The following NCOA7 variants were observed in gnomAD, a reference collection of about 807,000 sequenced individuals.
NCOA7 encodes 140 kDa estrogen receptor-associated protein.
In NCOA7, 45 loss-of-function variants were observed where a neutral mutation model predicts 104.3. That is an observed-to-expected ratio of 0.43 (90% CI 0.34 to 0.55). The LOEUF is 0.55. NCOA7 is among the 20% of genes least tolerant of loss of function. NCOA7 has a pLI of 0.02. For synonymous variants in NCOA7, 398 were observed against 402.3 expected (o/e 0.99, Z 0.13); for missense variants, 1,041 against 1,119.7 (o/e 0.93, Z 1.00).
intron 2 of NCOA7, among the ~76,000 whole-genome samples, chr6:125,831,036 C>T (rs1235511782): frequency 1.3e-5 from 2 of 152,014 alleles, no homozygotes; most frequent in East Asian, 3.9e-4. Flanking sequence ...ATGTTCTTAT[C>T]CAAGTAGTTG....
chr6:125,847,967 A>G (rs1780773314), intron 2 of NCOA7, among the ~76,000 whole-genome samples: 1 of 152,214 alleles, frequency 6.6e-6, no homozygotes, highest in Non-Finnish European at 1.5e-5. Flanking sequence ...AGAAAAAAAC[A>G]ACCCCATCAA....
At chr6:125,853,005 G>T (rs756958402) in intron 2 of NCOA7, among the ~76,000 whole-genome samples, 3 of 152,124 alleles carry the variant, frequency 2.0e-5, no homozygotes, top group Non-Finnish European at 4.4e-5. Context: ...TGAATCTGTC[G>T]ATTGCTTTGG....
chr6:125,926,962 A>G (rs1788086521), intron 13 of NCOA7, among the ~76,000 whole-genome samples: 1 of 152,192 alleles, frequency 6.6e-6, no homozygotes, highest in South Asian at 2.1e-4. Flanking sequence ...CTCCTCATGT[A>G]GCTTGGCTCC....
chr6:125,871,603 A>G (rs908732357), intron 3 of NCOA7, among the ~76,000 whole-genome samples: 3 of 152,200 alleles, frequency 2.0e-5, no homozygotes, highest in African/African-American at 7.2e-5. Flanking sequence ...GCAGGTGCAC[A>G]TGATTTGCCT....
At chr6:125,783,635 T>G (rs1774322683) in intron 1 of NCOA7, among the ~76,000 whole-genome samples, 1 of 152,228 alleles carries the variant, frequency 6.6e-6, no homozygotes, top group African/African-American at 2.4e-5. Context: ...GGGAGTCTAT[T>G]CAAACTGGCT....
At chr6:125,896,952 A>G (rs1238623714) in intron 10 of NCOA7, among the ~76,000 whole-genome samples, 1 of 152,248 alleles carries the variant, frequency 6.6e-6, no homozygotes, top group Non-Finnish European at 1.5e-5. Context: ...GTGTTTGCAC[A>G]CGTATTTAGG....
intron 2 of NCOA7, among the ~76,000 whole-genome samples, chr6:125,835,474 C>T (rs1779539954): frequency 6.6e-6 from 1 of 152,200 alleles, no homozygotes; most frequent in South Asian, 2.1e-4. Flanking sequence ...GGATTTGGGA[C>T]TCAAATAATG....
chr6:125,895,965 A>ATGTG (rs61017866), intron 10 of NCOA7, among the ~76,000 whole-genome samples: 69 of 146,086 alleles, frequency 4.7e-4, no homozygotes, highest in East Asian at 4.2e-3. Flanking sequence ...ATATGTATAT[A>ATGTG]TGTGTGTGTG....
At position 125,913,080 on chromosome 6, in the gene NCOA7, T is replaced by G. The variant is rs577726245; in HGVS notation, c.2097-2253T>G. On this transcript the variant is annotated intron_variant, in intron 10 of 15. Transcript: ENST00000392477. ...CATTCCCTGGAAGTAACCATTTGGATCTGTTTCTTTTATAGCCTTTCAGAG... is the reference window on the plus strand; with the variant it reads ...CATTCCCTGGAAGTAACCATTTGGAGCTGTTTCTTTTATAGCCTTTCAGAG... 3.3e-5 allele frequency among the ~76,000 whole-genome samples: 5 copies of G among 152,312 alleles called. No homozygotes were observed. In the South Asian group the frequency reaches 8.3e-4, roughly 25 times the overall value.
Position 125,855,215 on chromosome 6 carries a change from A to G in NCOA7, c.246A>G (p.Thr82=), listed in dbSNP as rs1345898766. The G allele has an allele frequency of 5.0e-6, 8 of 1,611,014 alleles. No homozygotes were observed. The highest frequency in any genetic ancestry group is 6.8e-6 in the Non-Finnish European group (8 of 1,178,856). The change falls in exon 3 of 16, where the codon ACA becomes ACG. Residue 82 remains threonine (T), a synonymous_variant. Coordinates refer to ENST00000392477, the MANE Select transcript of NCOA7 (RefSeq NM_181782.5). ...KSNQLKEIRR[T]ELKRYYSIDD... is the part of the protein sequence containing the mutation. The stretch of plus-strand genomic sequence containing the variant: ...ATCAGTTAAAGGAGATCAGGCGTAC[A>G]GAACTAAAGAGATATTATAGTATTG...
chr6:125,855,475 C>T, intron 3 of NCOA7: 3 of 374,220 alleles, frequency 8.0e-6, no homozygotes, highest in Non-Finnish European at 1.5e-5. Context: ...GTATTGTGTA[C>T]TACTAAACGT....
chr6:125,867,433 C>A (rs1478460521), intron 3 of NCOA7, among the ~76,000 whole-genome samples: 1 of 152,140 alleles, frequency 6.6e-6, no homozygotes, highest in East Asian at 1.9e-4. Context: ...GATATAAGAG[C>A]TCATCTCAGT....
chr6:125,800,413 T>C (rs1020033815), intron 1 of NCOA7, among the ~76,000 whole-genome samples: 1 of 152,250 alleles, frequency 6.6e-6, no homozygotes, highest in African/African-American at 2.4e-5. Context: ...ACAGAGGACA[T>C]GTTTTTATAA....
intron 2 of NCOA7, among the ~76,000 whole-genome samples, chr6:125,828,754 T>G (rs1465628538): frequency 6.6e-6 from 1 of 152,156 alleles, no homozygotes; most frequent in African/African-American, 2.4e-5. Context: ...TGTAATGTGT[T>G]TTAGTTTTAC....
intron 3 of NCOA7, among the ~76,000 whole-genome samples, chr6:125,860,690 A>T (rs1353100464): frequency 6.6e-6 from 1 of 152,176 alleles, no homozygotes; most frequent in Non-Finnish European, 1.5e-5. Flanking sequence ...TCTTAAACTT[A>T]GAATAGTGAA....
chr6:125,824,092 T>C (rs1185599537), intron 2 of NCOA7, among the ~76,000 whole-genome samples: 2 of 152,186 alleles, frequency 1.3e-5, no homozygotes, highest in Admixed American at 6.5e-5. Context: ...AATGAATTTA[T>C]TTGAAAATTA....
intron 7 of NCOA7, among the ~76,000 whole-genome samples, chr6:125,883,498 A>G (rs1314008284): frequency 1.3e-5 from 2 of 151,994 alleles, no homozygotes; most frequent in African/African-American, 2.4e-5. Flanking sequence ...GAAACTCCAT[A>G]ACCATTAGTA....
At chr6:125,834,489 C>T (rs1779447260) in intron 2 of NCOA7, among the ~76,000 whole-genome samples, 1 of 152,174 alleles carries the variant, frequency 6.6e-6, no homozygotes, top group African/African-American at 2.4e-5. Flanking sequence ...AGGTGAGCTA[C>T]TGAGGTCTTA....
Position 125,878,243 on chromosome 6 carries a change from T to TA in NCOA7, c.352-19dup. ...TTTTTTTGCTTTATTTATTGACTCT[T>TA]ACCTGTTTGATTATTCTAGGCTGGA... On this transcript the variant is annotated intron_variant, in intron 4 of 15. Coordinates refer to ENST00000392477, the MANE Select transcript of NCOA7 (RefSeq NM_181782.5). The TA allele has an allele frequency of 6.4e-7, 1 of 1,571,398 alleles. No homozygotes were observed. The highest frequency in any genetic ancestry group is 8.7e-7 in the Non-Finnish European group (1 of 1,152,896).
Sources: gnomAD v4.1 joint callset for allele counts (sites outside exome capture counted in the v4.1 genomes callset) on GRCh38, gnomAD v4.1.1 for gene constraint, MANE v1.5 for transcripts, NCBI Gene and HGNC (gene_info 2026-07-23, HGNC 2026-07-21) for gene names.